Variants in NRG3 observed in about 807,000 individuals in gnomAD.
NRG3 encodes neuregulin 3.
In NRG3, 31 loss-of-function variants were observed where a neutral mutation model predicts 66.9. The ratio of observed to expected loss-of-function variants is 0.46; its 90% CI spans 0.35 to 0.63. NRG3 has a LOEUF of 0.63. Among genes scored for constraint, NRG3 ranks in the 20% least tolerant of loss-of-function variants. The pLI, the probability that NRG3 is intolerant of heterozygous loss-of-function variation, is 0.00. For missense variants in NRG3, 910 were observed against 878.9 expected (o/e 1.04, Z -0.45); for synonymous variants, 393 against 359.4 (o/e 1.09, Z -1.06).
intron 2 of NRG3, among the ~76,000 whole-genome samples, chr10:82,714,552 A>G (rs984239121): frequency 2.0e-5 from 3 of 152,034 alleles, no homozygotes; most frequent in Non-Finnish European, 4.4e-5. Context: ...CTTGTACTTT[A>G]TGCTTTTCAG....
At chr10:82,249,287 A>G (rs571981956) in intron 1 of NRG3, among the ~76,000 whole-genome samples, 2 of 152,276 alleles carry the variant, frequency 1.3e-5, no homozygotes, top group East Asian at 1.9e-4. Context: ...ATGAAGGGCT[A>G]TTGAATTCAT....
intron 6 of NRG3, among the ~76,000 whole-genome samples, chr10:82,967,508 C>A (rs112361989): frequency 6.6e-6 from 1 of 152,278 alleles, no homozygotes; most frequent in African/African-American, 2.4e-5. Context: ...CATACCTTTG[C>A]ACTGTTCAAC....
intron 2 of NRG3, among the ~76,000 whole-genome samples, chr10:82,383,315 T>C (rs1410468461): frequency 1.3e-5 from 2 of 151,984 alleles, no homozygotes; most frequent in Non-Finnish European, 2.9e-5. Flanking sequence ...GTTTAAGATT[T>C]TCTGTCCCCA....
At chr10:82,829,202 T>TA in intron 3 of NRG3, among the ~76,000 whole-genome samples, 1 of 152,034 alleles carries the variant, frequency 6.6e-6, no homozygotes, top group East Asian at 1.9e-4. Context: ...CTCTAGTGAT[T>TA]AAAAAAAAGA....
At chr10:82,002,981 A>G (rs2061233144) in intron 1 of NRG3, among the ~76,000 whole-genome samples, 1 of 152,212 alleles carries the variant, frequency 6.6e-6, no homozygotes, top group Non-Finnish European at 1.5e-5. Flanking sequence ...CTTTGTAGAA[A>G]ATGGTAAGGG....
chr10:82,148,776 A>G (rs201345318), intron 1 of NRG3, among the ~76,000 whole-genome samples: 1 of 150,240 alleles, frequency 6.7e-6, no homozygotes, highest in Non-Finnish European at 1.5e-5. Flanking sequence ...TACAATCCCC[A>G]AAGATGCCTT....
intron 3 of NRG3, among the ~76,000 whole-genome samples, chr10:82,838,529 T>G (rs2062891814): frequency 6.6e-6 from 1 of 152,168 alleles, no homozygotes. Context: ...AACAAAGATT[T>G]AGAGAAGTTA....
intron 1 of NRG3, among the ~76,000 whole-genome samples, chr10:82,099,363 A>G (rs761186775): frequency 2.6e-5 from 4 of 152,156 alleles, no homozygotes; most frequent in Non-Finnish European, 5.9e-5. Flanking sequence ...TCACTTGAAC[A>G]TATATATGTG....
At chr10:82,173,990 G>A (rs2072837679) in intron 1 of NRG3, among the ~76,000 whole-genome samples, 1 of 151,976 alleles carries the variant, frequency 6.6e-6, no homozygotes, top group South Asian at 2.1e-4. Flanking sequence ...ATGTTTTTAG[G>A]TTTAATTCCT....
At chr10:82,442,772 ATT>A (rs1163999076) in intron 2 of NRG3, among the ~76,000 whole-genome samples, 1 of 60,268 alleles carries the variant, frequency 1.7e-5, no homozygotes, top group Admixed American at 2.1e-4. Context: ...CAAAGATCTT[ATT>A]TCTGTGTGGA....
At chr10:82,093,800 G>A (rs562925696) in intron 1 of NRG3, among the ~76,000 whole-genome samples, 2 of 152,246 alleles carry the variant, frequency 1.3e-5, no homozygotes, top group African/African-American at 4.8e-5. Flanking sequence ...GTGTCCAGGT[G>A]GGAGAACCTG....
At chr10:82,643,771 G>A (rs1296463073) in intron 2 of NRG3, among the ~76,000 whole-genome samples, 1 of 151,710 alleles carries the variant, frequency 6.6e-6, no homozygotes, top group East Asian at 1.9e-4. Flanking sequence ...CAGTTCTCTG[G>A]CATGTCCCTG....
At chr10:82,291,027 G>C (rs888682532) in intron 1 of NRG3, among the ~76,000 whole-genome samples, 1 of 151,676 alleles carries the variant, frequency 6.6e-6, no homozygotes, top group Non-Finnish European at 1.5e-5. Flanking sequence ...AATAACACCT[G>C]GTTTCAATTG....
intron 1 of NRG3, among the ~76,000 whole-genome samples, chr10:81,999,320 G>T (rs1001628078): frequency 6.6e-6 from 1 of 152,098 alleles, no homozygotes; most frequent in African/African-American, 2.4e-5. Context: ...TAAGAAGAAC[G>T]ATTTCTAAAA....
At position 82,764,787 on chromosome 10, in the gene NRG3, T is replaced by C. The variant is rs1034478068; in HGVS notation, c.1027+26137T>C. ...TATAAAAATATAAGATAGTATAAGATGCTGCAGCAACTGTATGATTAAAAC... is the reference window on the plus strand; with the variant it reads ...TATAAAAATATAAGATAGTATAAGACGCTGCAGCAACTGTATGATTAAAAC... On this transcript the variant is annotated intron_variant, in intron 3 of 8. Transcript: ENST00000372141. 2.6e-5 allele frequency among the ~76,000 whole-genome samples: 4 copies of C among 152,164 alleles called. No homozygotes were observed. In the East Asian group the frequency reaches 7.7e-4, roughly 29 times the overall value.
chr10:82,523,785 C>T (rs1351859240), intron 2 of NRG3, among the ~76,000 whole-genome samples: 2 of 152,104 alleles, frequency 1.3e-5, no homozygotes, highest in Non-Finnish European at 2.9e-5. Context: ...CAAAGAAGGA[C>T]TTCTCTCACT....
chr10:82,273,917 A>G (rs1229941596), intron 1 of NRG3, among the ~76,000 whole-genome samples: 1 of 152,004 alleles, frequency 6.6e-6, no homozygotes, highest in African/African-American at 2.4e-5. Context: ...ACGAATCTTG[A>G]AACTCTTTGC....
intron 3 of NRG3, among the ~76,000 whole-genome samples, chr10:82,832,008 CTGA>C (rs1180166362): frequency 6.6e-6 from 1 of 152,064 alleles, no homozygotes; most frequent in African/African-American, 2.4e-5. Flanking sequence ...TGCTTTCTAC[CTGA>C]TGTTGAGAAA....
At chr10:82,647,998 C>T (rs2051093057) in intron 2 of NRG3, among the ~76,000 whole-genome samples, 3 of 144,982 alleles carry the variant, frequency 2.1e-5, no homozygotes, top group South Asian at 2.3e-4. Flanking sequence ...TGCAGAAGCT[C>T]TTTAGTTTAA....
Sources: allele counts gnomAD v4.1 joint callset (sites outside exome capture counted in the v4.1 genomes callset), GRCh38; gene constraint gnomAD v4.1.1; transcripts MANE v1.5; gene names NCBI Gene and HGNC (gene_info 2026-07-23, HGNC 2026-07-21).